The following AFAP1L1 variants were observed in gnomAD, a reference collection of about 807,000 sequenced individuals.
AFAP1L1 encodes the protein actin filament-associated protein 1-like 1.
AFAP1L1 carries 77 observed loss-of-function variants against 99.8 expected under a neutral mutation model. The ratio of observed to expected loss-of-function variants is 0.77; its 90% CI spans 0.64 to 0.93. AFAP1L1 has a LOEUF of 0.93. Ranked by LOEUF, AFAP1L1 falls within the 40% of genes least tolerant of loss-of-function variation. The probability of loss-of-function intolerance (pLI) is 0.00; values close to 1 mark genes in which losing one functional copy is unlikely to be tolerated. For missense variants in AFAP1L1, 893 were observed against 996.8 expected (o/e 0.90, Z 1.40); for synonymous variants, 373 against 395.3 (o/e 0.94, Z 0.67).
chr5:149,308,612 T>C (rs1339365670), intron 7 of AFAP1L1, among the ~76,000 whole-genome samples: 1 of 152,174 alleles, frequency 6.6e-6, no homozygotes, highest in Non-Finnish European at 1.5e-5. Flanking sequence ...TTGCCCAACA[T>C]CAATGCATCT....
intron 1 of AFAP1L1, among the ~76,000 whole-genome samples, chr5:149,297,560 T>C (rs1352742294): frequency 6.6e-6 from 1 of 152,216 alleles, no homozygotes; most frequent in Non-Finnish European, 1.5e-5. Context: ...AGATAGGAGC[T>C]GTCCACATCA....
At chr5:149,314,872 G>A (rs1021680112) in intron 9 of AFAP1L1, among the ~76,000 whole-genome samples, 1 of 152,186 alleles carries the variant, frequency 6.6e-6, no homozygotes, top group African/African-American at 2.4e-5. Flanking sequence ...TGGCCCAAGT[G>A]TGGCTGGCAC....
intron 1 of AFAP1L1, among the ~76,000 whole-genome samples, chr5:149,288,873 C>T (rs183418780): frequency 3.3e-5 from 5 of 152,270 alleles, no homozygotes; most frequent in South Asian, 2.1e-4. Context: ...AGAGCTGATG[C>T]GAGTAAGGCC....
chr5:149,307,524 G>T lies in AFAP1L1; in HGVS notation c.658G>T (p.Glu220Ter), dbSNP rs1756458009. The change falls in exon 7 of 19, where the codon GAA (glutamate) becomes TAA (stop). Residue 220 changes from glutamate to a stop codon, truncating the protein, a stop_gained. Coordinates refer to ENST00000296721, the MANE Select transcript of AFAP1L1 (RefSeq NM_152406.4). LOFTEE classifies it high-confidence loss of function. ...SEEASMHLVR[E>*]CRICAFLLRK... ...GGAGGCCTCCATGCACCTGGTGAGG[G>T]AATGCAGGATATGTGCCTTCCTGCT... The T allele has an allele frequency of 6.2e-7, 1 of 1,614,042 alleles. No homozygotes were observed. Among genetic ancestry groups the T allele is most frequent in the Non-Finnish European group, 8.5e-7 (1 of 1,180,042 alleles).
chr5:149,330,057 G>C (rs1757213682), intron 16 of AFAP1L1, among the ~76,000 whole-genome samples: 1 of 152,164 alleles, frequency 6.6e-6, no homozygotes, highest in African/African-American at 2.4e-5. Flanking sequence ...TGTTTTGGAG[G>C]ATGAAAAAGC....
intron 2 of AFAP1L1, 57 bp from the exon 3 acceptor site, chr5:149,300,214 G>A (rs542166713): frequency 2.9e-5 from 38 of 1,326,748 alleles, no homozygotes; most frequent in South Asian, 1.6e-4. Context: ...TGAGTGGGAC[G>A]GGGGAGACCT....
At chr5:149,286,510 T>G (rs912762684) in intron 1 of AFAP1L1, among the ~76,000 whole-genome samples, 5 of 152,342 alleles carry the variant, frequency 3.3e-5, no homozygotes, top group Middle Eastern at 6.8e-3. Context: ...CTGCTGATGA[T>G]TTTCTGATTC....
chr5:149,331,957 C>A (rs1757270252), intron 16 of AFAP1L1, among the ~76,000 whole-genome samples: 1 of 152,172 alleles, frequency 6.6e-6, no homozygotes, highest in Admixed American at 6.5e-5. Flanking sequence ...ACCGCAGAGC[C>A]CTCTGGATTC....
chr5:149,310,983 C>T (rs1756612777), intron 8 of AFAP1L1, among the ~76,000 whole-genome samples: 1 of 152,160 alleles, frequency 6.6e-6, no homozygotes, highest in Non-Finnish European at 1.5e-5. Flanking sequence ...CTGGAGAGCA[C>T]TTGGCACAGC....
chr5:149,306,834 C>A (rs1267778751), intron 6 of AFAP1L1, among the ~76,000 whole-genome samples: 1 of 152,014 alleles, frequency 6.6e-6, no homozygotes, highest in Non-Finnish European at 1.5e-5. Context: ...CTTCAAATAG[C>A]CGGCTGAAGT....
chr5:149,326,554 AAAAAAAAAGAAAG>A (rs1757102001), intron 15 of AFAP1L1, among the ~76,000 whole-genome samples: 1 of 118,150 alleles, frequency 8.5e-6, no homozygotes, highest in African/African-American at 2.6e-5. Context: ...ATAAAAAAAA[AAAAAAAAAGAAAG>A]AAAAATATAT....
chr5:149,324,680 C>T (rs559249135), intron 15 of AFAP1L1, among the ~76,000 whole-genome samples: 12 of 152,248 alleles, frequency 7.9e-5, no homozygotes, highest in South Asian at 6.2e-4. Flanking sequence ...GATCTCAAGA[C>T]GTTGGCCGGT....
chr5:149,310,249 C>G, intron 8 of AFAP1L1, 114 bp downstream of exon 8: 1 of 1,320,440 alleles, frequency 7.6e-7, no homozygotes, highest in South Asian at 1.6e-5. Context: ...AGTGCCTGAG[C>G]CCAAGTGCCC....
intron 17 of AFAP1L1, among the ~76,000 whole-genome samples, chr5:149,334,076 T>A (rs990336738): frequency 3.9e-5 from 6 of 152,232 alleles, no homozygotes; most frequent in African/African-American, 1.4e-4. Flanking sequence ...AATGAATAAA[T>A]GTTTTGCCTG....
At chr5:149,301,281 G>T (rs749967434) in intron 4 of AFAP1L1, 51 bp downstream of exon 4, 1 of 1,570,460 alleles carries the variant, frequency 6.4e-7, no homozygotes, top group African/African-American at 1.4e-5. Context: ...CCCTCTGGAG[G>T]AGGCAAGGGA....
chr5:149,298,036 G>T (rs1756070515), intron 1 of AFAP1L1, among the ~76,000 whole-genome samples: 1 of 152,234 alleles, frequency 6.6e-6, no homozygotes, highest in South Asian at 2.1e-4. Context: ...AACCCATAGG[G>T]TAAGTGATTG....
At chr5:149,328,686 G>A (rs1376938270) in intron 15 of AFAP1L1, among the ~76,000 whole-genome samples, 1 of 152,060 alleles carries the variant, frequency 6.6e-6, no homozygotes, top group Admixed American at 6.6e-5. Context: ...GCGGGCACCT[G>A]TAGTCCCAGC....
At chr5:149,319,759 C>G (rs377025619) in intron 13 of AFAP1L1, 32 bp downstream of exon 13, 27 of 1,606,950 alleles carry the variant, frequency 1.7e-5, no homozygotes, top group Admixed American at 3.4e-5. Context: ...CACACCTGCC[C>G]AGGACCTTTC....
chr5:149,305,112 G>A (rs752054382), intron 5 of AFAP1L1, among the ~76,000 whole-genome samples: 10 of 152,354 alleles, frequency 6.6e-5, no homozygotes, highest in Non-Finnish European at 1.3e-4. Flanking sequence ...GACAATCACA[G>A]TAATAACAGC....
Sources: gnomAD v4.1 joint callset for allele counts (sites outside exome capture counted in the v4.1 genomes callset) on GRCh38, gnomAD v4.1.1 for gene constraint, MANE v1.5 for transcripts, NCBI Gene and HGNC (gene_info 2026-07-23, HGNC 2026-07-21) for gene names.